COL23A1: variants seen among roughly 807,000 people sequenced by gnomAD.
COL23A1 encodes the protein collagen alpha-1(XXIII) chain.
Under a neutral mutation model 99.3 loss-of-function variants are expected in COL23A1, and 97 were observed. The ratio of observed to expected loss-of-function variants is 0.98; its 90% CI spans 0.83 to 1.16. The LOEUF is 1.16. COL23A1 is among the 50% of genes most tolerant of loss of function. The pLI, the probability that COL23A1 is intolerant of heterozygous loss-of-function variation, is 0.00. For synonymous variants in COL23A1, 320 were observed against 308.2 expected (o/e 1.04, Z -0.40); for missense variants, 762 against 757.4 (o/e 1.01, Z -0.07).
At chr5:178,515,049 G>A (rs1419988295) in intron 2 of COL23A1, among the ~76,000 whole-genome samples, 1 of 152,248 alleles carries the variant, frequency 6.6e-6, no homozygotes, top group East Asian at 1.9e-4. Context: ...GCTCAAGAAA[G>A]TTGACGCAGG....
chr5:178,434,718 C>T lies in COL23A1; in HGVS notation c.361+125964G>A, dbSNP rs1322216432. Among the ~76,000 whole-genome samples the T allele has an allele frequency of 6.6e-6, 1 of 152,196 alleles. No homozygotes were observed. The highest frequency in any genetic ancestry group is 1.9e-4 in the East Asian group (1 of 5,200). On this transcript the variant is annotated intron_variant, in intron 2 of 28. Transcript: ENST00000390654. This position sits in a 1 kb window ranked among gnomAD's most constrained non-coding sequence, Gnocchi z 4.3. The stretch of plus-strand genomic sequence containing the variant: ...GTGCCCCTCTAGAGGCCGGTGCCTC[C>T]CCAACATCTCCACTTCACCGCTGAG...
chr5:178,279,961 G>C (rs1415952999), intron 5 of COL23A1, among the ~76,000 whole-genome samples: 2 of 152,234 alleles, frequency 1.3e-5, no homozygotes, highest in African/African-American at 4.8e-5. Context: ...TCAACCACAG[G>C]CTCCAAGTGG....
chr5:178,461,633 A>G lies in COL23A1; in HGVS notation c.361+99049T>C, dbSNP rs1198384967. ...GCATGCAACAGTCCTTACAAACAGA[A>G]GCTCCTGCTGGCTCACGGCCTTGGG... On this transcript the variant is annotated intron_variant, in intron 2 of 28. Transcript: ENST00000390654. 2.0e-5 allele frequency among the ~76,000 whole-genome samples: 3 copies of G among 152,242 alleles called. No homozygotes were observed. The East Asian group carries it at 5.8e-4, about 29-fold the overall frequency.
rs78089961 is a variant in COL23A1 at position 178,384,722 on chromosome 5, G to A, written c.362-77803C>T. ...GGCCTCACCCACTGAATCAGAGTGC[G>A]CGCTCACAGGGTGCACATATAACAG... On this transcript the variant is annotated intron_variant, in intron 2 of 28. Coordinates refer to ENST00000390654, the MANE Select transcript of COL23A1 (RefSeq NM_173465.4). The surrounding 1 kb of genome is among the most constrained non-coding windows in gnomAD (Gnocchi z 5.5). Among the ~76,000 whole-genome samples, 358 of 152,310 alleles carry A rather than the reference G, an allele frequency of 2.4e-3. 1 individual carries two copies. Among genetic ancestry groups the A allele is most frequent in the African/African-American group, 8.2e-3 (341 of 41,568 alleles).
intron 2 of COL23A1, among the ~76,000 whole-genome samples, chr5:178,554,138 T>C (rs1159523950): frequency 1.3e-5 from 2 of 151,424 alleles, no homozygotes; most frequent in East Asian, 3.9e-4. Context: ...CACTTTCCCC[T>C]GGGCCACGCT....
rs1198225272 is a variant in COL23A1 at position 178,365,144 on chromosome 5, T to TGTGC, written c.362-58226_362-58225insGCAC. Among the ~76,000 whole-genome samples, 1 of 147,620 alleles carries TGTGC rather than the reference T, an allele frequency of 6.8e-6. No individual in the cohort carries two copies. The highest frequency in any genetic ancestry group is 1.5e-5 in the Non-Finnish European group (1 of 67,626). ...TGATGTTGCTGTGTGTGCGTGTGTG[T>TGTGC]GTGTGTGTGTGTGTGTGTGTGTGTG... On this transcript the variant is annotated intron_variant, in intron 2 of 28. Coordinates refer to ENST00000390654, the MANE Select transcript of COL23A1 (RefSeq NM_173465.4). The surrounding 1 kb of genome is among the most constrained non-coding windows in gnomAD (Gnocchi z 5.2).
At chr5:178,421,902 C>T (rs1765651658) in intron 2 of COL23A1, among the ~76,000 whole-genome samples, 1 of 152,070 alleles carries the variant, frequency 6.6e-6, no homozygotes, top group African/African-American at 2.4e-5. Flanking sequence ...AGGCACCAAA[C>T]AGGCAAAAGG....
chr5:178,382,697 G>C (rs1282461921), intron 2 of COL23A1, among the ~76,000 whole-genome samples: 1 of 152,218 alleles, frequency 6.6e-6, no homozygotes, highest in Non-Finnish European at 1.5e-5. Context: ...CTTAGCCCCA[G>C]AGGGGTATGA....
chr5:178,358,242 G>GTA (rs1554145288), intron 2 of COL23A1, among the ~76,000 whole-genome samples: 9 of 47,054 alleles, frequency 1.9e-4, no homozygotes, highest in African/African-American at 4.8e-4. Flanking sequence ...ATGTGTGTAT[G>GTA]TGTATGTGTG....
chr5:178,324,966 G>A (rs1233812071), intron 2 of COL23A1, among the ~76,000 whole-genome samples: 1 of 151,926 alleles, frequency 6.6e-6, no homozygotes, highest in African/African-American at 2.4e-5. Context: ...TGGCCCTACA[G>A]GGCATTTTAG....
At chr5:178,248,156 G>A in intron 20 of COL23A1, 36 bp downstream of exon 20, 1 of 1,442,480 alleles carries the variant, frequency 6.9e-7, no homozygotes, top group Non-Finnish European at 9.6e-7. Context: ...TGGACTGGGT[G>A]TTGGGGGAAG....
intron 2 of COL23A1, among the ~76,000 whole-genome samples, chr5:178,425,935 G>C (rs761433194): frequency 1.3e-5 from 2 of 152,224 alleles, no homozygotes; most frequent in Non-Finnish European, 2.9e-5. Flanking sequence ...CGATGGACTT[G>C]TGCTCCGGTG....
chr5:178,309,186 C>T lies in COL23A1; in HGVS notation c.362-2267G>A, dbSNP rs1288129988. 1.3e-5 allele frequency among the ~76,000 whole-genome samples: 2 copies of T among 152,186 alleles called. No homozygotes were observed. Among genetic ancestry groups the T allele is most frequent in the Non-Finnish European group, 2.9e-5 (2 of 68,026 alleles). On this transcript the variant is annotated intron_variant, in intron 2 of 28. Coordinates refer to ENST00000390654, the MANE Select transcript of COL23A1 (RefSeq NM_173465.4). The surrounding 1 kb of genome is among the most constrained non-coding windows in gnomAD (Gnocchi z 4.7). Reference sequence around the variant, plus strand: ...AACTGAAGCCAGATGAAGACATCTGCCTGTGTTGGGGCAGCTGAACTAACG... The same window carrying T: ...AACTGAAGCCAGATGAAGACATCTGTCTGTGTTGGGGCAGCTGAACTAACG...
chr5:178,487,456 A>C (rs948814385), intron 2 of COL23A1, among the ~76,000 whole-genome samples: 2 of 152,058 alleles, frequency 1.3e-5, no homozygotes, highest in East Asian at 3.8e-4. Flanking sequence ...AGTAGCTGAG[A>C]TTACAGGCGT....
chr5:178,444,941 A>G (rs1209751106), intron 2 of COL23A1, among the ~76,000 whole-genome samples: 1 of 152,238 alleles, frequency 6.6e-6, no homozygotes, highest in Non-Finnish European at 1.5e-5. Context: ...TACACAATGT[A>G]TACACAGCAC....
Position 178,263,222 on chromosome 5 carries a change from C to T in COL23A1, c.625G>A (p.Ala209Thr). The change falls in exon 9 of 29, where the codon GCA becomes ACA. Residue 209 changes from alanine to threonine, a missense_variant. Transcript: ENST00000390654. ...CCCTCTCTTACCGCTGGGCCTTGTG[C>T]TCCCCTGGGGCCATCTTTCCCAGTG... Reference protein sequence around the residue: ...GDTGKDGPRGAQGPAGPKGEP... With the variant: ...GDTGKDGPRGTQGPAGPKGEP... 6.2e-7 allele frequency: 1 copy of T among 1,613,580 alleles called. No homozygotes were observed. The highest frequency in any genetic ancestry group is 1.1e-5 in the South Asian group (1 of 91,074).
rs756036661 is a variant in COL23A1 at position 178,365,741 on chromosome 5, C to T, written c.362-58822G>A. Among the ~76,000 whole-genome samples the T allele has an allele frequency of 2.9e-4, 44 of 152,134 alleles. No individual in the cohort carries two copies. The highest frequency in any genetic ancestry group is 5.1e-4 in the African/African-American group (21 of 41,418). On this transcript the variant is annotated intron_variant, in intron 2 of 28. Transcript: ENST00000390654. This position sits in a 1 kb window ranked among gnomAD's most constrained non-coding sequence, Gnocchi z 5.2. ...CTGGAAAGCCATGTCTTGTTCTCCACGCCCAGTTCTGATGTCACCTTTCTC... is the reference window on the plus strand; with the variant it reads ...CTGGAAAGCCATGTCTTGTTCTCCATGCCCAGTTCTGATGTCACCTTTCTC...
chr5:178,561,951 C>A, intron 1 of COL23A1: 1 of 384,850 alleles, frequency 2.6e-6, no homozygotes, highest in Non-Finnish European at 5.2e-6. Context: ...CTCCACCTGC[C>A]ATTTCAGCCT....
Position 178,578,651 on chromosome 5 carries a change from C to T in COL23A1, c.294+11253G>A, listed in dbSNP as rs1397812475. ...GTTGCCATTACCCATTTGCAAGCAC[C>T]GCCTTCCCCCACCCACCCCTGCCCC... On this transcript the variant is annotated intron_variant, in intron 1 of 28. Coordinates refer to ENST00000390654, the MANE Select transcript of COL23A1 (RefSeq NM_173465.4). Among the ~76,000 whole-genome samples the T allele has an allele frequency of 4.3e-4, 66 of 152,044 alleles. 1 individual carries two copies. Among genetic ancestry groups the T allele is most frequent in the Non-Finnish European group, 8.8e-5 (6 of 68,010 alleles).
Sources: gnomAD v4.1 joint callset for allele counts (sites outside exome capture counted in the v4.1 genomes callset) on GRCh38, gnomAD v4.1.1 for gene constraint, Gnocchi (gnomAD v3.1) non-coding constraint, MANE v1.5 for transcripts, NCBI Gene and HGNC (gene_info 2026-07-23, HGNC 2026-07-21) for gene names.